TRIM2: variants seen among roughly 807,000 people sequenced by gnomAD.
TRIM2 encodes tripartite motif containing 2, also known as tripartite motif-containing protein 2.
A neutral mutation model predicts 75.2 loss-of-function variants in TRIM2; 20 were observed. The ratio of observed to expected loss-of-function variants is 0.27; its 90% CI spans 0.19 to 0.39. The LOEUF is 0.39. TRIM2 is among the 10% of genes least tolerant of loss of function. The pLI, the probability that TRIM2 is intolerant of heterozygous loss-of-function variation, is 1.00. For synonymous variants in TRIM2, 373 were observed against 388.3 expected (o/e 0.96, Z 0.46); for missense variants, 660 against 990.8 (o/e 0.67, Z 4.48).
chr4:153,267,357 T>C (rs1755466431), intron 1 of TRIM2, among the ~76,000 whole-genome samples: 1 of 152,210 alleles, frequency 6.6e-6, no homozygotes, highest in Admixed American at 6.5e-5. Flanking sequence ...TTTCTTCTAA[T>C]CTATAGAATA....
At chr4:153,255,828 C>T (rs1194918085) in intron 1 of TRIM2, among the ~76,000 whole-genome samples, 1 of 152,134 alleles carries the variant, frequency 6.6e-6, no homozygotes, top group Non-Finnish European at 1.5e-5. Context: ...AAACATTCTG[C>T]CAAGTGAAAA....
At chr4:153,243,774 T>C (rs1417963190) in intron 1 of TRIM2, among the ~76,000 whole-genome samples, 1 of 151,548 alleles carries the variant, frequency 6.6e-6, no homozygotes, top group African/African-American at 2.4e-5. Context: ...ATGGATAATA[T>C]GTGGTTTCTT....
At chr4:153,299,532 A>T (rs1331312251) in intron 6 of TRIM2, among the ~76,000 whole-genome samples, 4 of 152,160 alleles carry the variant, frequency 2.6e-5, no homozygotes, top group Admixed American at 2.6e-4. Context: ...GTTTCTTTAG[A>T]TATGTTAGAT....
At chr4:153,249,267 T>C (rs1458380575) in intron 1 of TRIM2, among the ~76,000 whole-genome samples, 1 of 152,248 alleles carries the variant, frequency 6.6e-6, no homozygotes, top group East Asian at 1.9e-4. Context: ...CCGCCTTCTT[T>C]TCTTCCGCCT....
At chr4:153,215,235 T>A (rs1184157324) in intron 1 of TRIM2, among the ~76,000 whole-genome samples, 1 of 152,160 alleles carries the variant, frequency 6.6e-6, no homozygotes, top group Non-Finnish European at 1.5e-5. Flanking sequence ...TGATGTAGAC[T>A]GGGAACTGAT....
chr4:153,189,127 A>G (rs1225385281), intron 1 of TRIM2, among the ~76,000 whole-genome samples: 2 of 152,224 alleles, frequency 1.3e-5, no homozygotes, highest in African/African-American at 4.8e-5. Flanking sequence ...CTATAATCAC[A>G]GGCATGAGTC....
chr4:153,196,298 G>A (rs1053464719), intron 1 of TRIM2, among the ~76,000 whole-genome samples: 2 of 151,338 alleles, frequency 1.3e-5, no homozygotes, highest in Non-Finnish European at 2.9e-5. Flanking sequence ...CAAACTGGGT[G>A]CAGTGGTGCA....
At position 153,338,599 on chromosome 4, in the gene TRIM2, A is replaced by G. The variant is rs1772724156; in HGVS notation, c.*3633A>G. On this transcript the variant is annotated 3_prime_UTR_variant, in exon 12 of 12. Coordinates refer to ENST00000338700, the MANE Select transcript of TRIM2 (RefSeq NM_015271.5). ...CATAAAGGAAACTAAGTGCCCATCA[A>G]AGATTTGTTTGGTATAAATAAAGAA... The G allele has an allele frequency of 2.0e-6, 2 of 985,250 alleles. No homozygotes were observed. The highest frequency in any genetic ancestry group is 1.7e-5 in the African/African-American group (1 of 57,332). The allele number at this position is 985,250 out of a possible 1,614,324, so 61.0% of individuals were successfully genotyped here. A position where few individuals can be genotyped will look rare whatever the true frequency, so the allele number is the denominator to read the frequency against.
intron 1 of TRIM2, among the ~76,000 whole-genome samples, chr4:153,229,781 C>T (rs1284052294): frequency 6.6e-6 from 1 of 152,230 alleles, no homozygotes; most frequent in African/African-American, 2.4e-5. Context: ...ATATTCTTGG[C>T]ATCTTTGGTG....
intron 1 of TRIM2, among the ~76,000 whole-genome samples, chr4:153,235,825 T>G (rs922713253): frequency 6.6e-6 from 1 of 152,094 alleles, no homozygotes; most frequent in African/African-American, 2.4e-5. Flanking sequence ...GCCCTACTCC[T>G]CCCTCAAGGC....
At chr4:153,240,034 A>G (rs1746142445) in intron 1 of TRIM2, among the ~76,000 whole-genome samples, 1 of 151,818 alleles carries the variant, frequency 6.6e-6, no homozygotes, top group African/African-American at 2.4e-5. Flanking sequence ...GGGTTTCACC[A>G]TGTTGCCCAG....
chr4:153,311,529 G>A (rs898199054), intron 6 of TRIM2, among the ~76,000 whole-genome samples: 2 of 151,822 alleles, frequency 1.3e-5, no homozygotes, highest in African/African-American at 4.8e-5. Flanking sequence ...GTGCTTTTTA[G>A]CCCCTTCTCT....
At position 153,322,175 on chromosome 4, in the gene TRIM2, C is replaced by T. The variant is rs180746198; in HGVS notation, c.1783-473C>T. On this transcript the variant is annotated intron_variant, in intron 8 of 11. Coordinates refer to ENST00000338700, the MANE Select transcript of TRIM2 (RefSeq NM_015271.5). ...CTGTAATCCCAGCACTTTGGGAGGT[C>T]GAGGTGGGTGGATCACAAGGTCAGG... 1.2e-3 allele frequency among the ~76,000 whole-genome samples: 187 copies of T among 151,698 alleles called. 3 individuals are homozygous for T. The highest frequency in any genetic ancestry group is 8.8e-3 in the South Asian group (42 of 4,768).
chr4:153,196,266 C>T (rs912428390), intron 1 of TRIM2, among the ~76,000 whole-genome samples: 1 of 146,242 alleles, frequency 6.8e-6, no homozygotes, highest in African/African-American at 2.6e-5. Context: ...TCCTACCACC[C>T]CCCCCCACAC....
chr4:153,298,838 A>T (rs996167493), intron 6 of TRIM2, among the ~76,000 whole-genome samples: 4 of 152,150 alleles, frequency 2.6e-5, no homozygotes, highest in Middle Eastern at 3.4e-3. Flanking sequence ...GGCTCAGGTG[A>T]TCCTCCCACC....
At chr4:153,194,895 T>C (rs141506349) in intron 1 of TRIM2, among the ~76,000 whole-genome samples, 1 of 152,338 alleles carries the variant, frequency 6.6e-6, no homozygotes, top group East Asian at 1.9e-4. Context: ...CTCCCTTGCC[T>C]GTGTGAGAAA....
intron 1 of TRIM2, among the ~76,000 whole-genome samples, chr4:153,164,811 G>A (rs1730124228): frequency 6.6e-6 from 1 of 152,060 alleles, no homozygotes; most frequent in Non-Finnish European, 1.5e-5. Context: ...TATAGTACAA[G>A]TCTTGATTAC....
chr4:153,261,893 T>C (rs1753670412), intron 1 of TRIM2, among the ~76,000 whole-genome samples: 1 of 152,216 alleles, frequency 6.6e-6, no homozygotes, highest in Admixed American at 6.5e-5. Context: ...ATTTGGGGGT[T>C]AATTGCCACC....
upstream of TRIM2, among the ~76,000 whole-genome samples, chr4:153,201,709 A>G (rs1340008712): frequency 6.6e-6 from 1 of 152,162 alleles, no homozygotes; most frequent in African/African-American, 2.4e-5. Flanking sequence ...GAAAGAAAAA[A>G]AGAAAGAAAA....
Sources: allele counts gnomAD v4.1 joint callset (sites outside exome capture counted in the v4.1 genomes callset), GRCh38; gene constraint gnomAD v4.1.1; transcripts MANE v1.5; gene names NCBI Gene and HGNC (gene_info 2026-07-23, HGNC 2026-07-21).